The following GDA variants were observed in gnomAD, a reference collection of about 807,000 sequenced individuals.
The protein encoded by GDA is guanine deaminase, also known as cytoplasmic PSD-95 interactor.
In GDA, 18 loss-of-function variants were observed where a neutral mutation model predicts 59.6. The ratio of observed to expected loss-of-function variants is 0.30; its 90% CI spans 0.21 to 0.45. The LOEUF is 0.45. Ranked by LOEUF, GDA falls within the 20% of genes least tolerant of loss-of-function variation. The pLI is 1.00. For missense variants in GDA, 427 were observed against 552.3 expected (o/e 0.77, Z 2.27); for synonymous variants, 201 against 201.1 (o/e 1.00, Z 0.00).
rs1021208956 is a variant in GDA, at chr9:72,251,402, A to T, written c.*3060A>T. On this transcript the variant is annotated 3_prime_UTR_variant, in exon 14 of 14. Transcript: ENST00000358399. ...ATGGAGAGCTTTAAAGGCAAGCTGG[A>T]AGGCACATTGTATCAATTCTACCTT... The T allele has an allele frequency of 1.3e-5, 2 of 152,974 alleles. No individual in the cohort carries two copies. The highest frequency in any genetic ancestry group is 4.8e-5 in the African/African-American group (2 of 41,452). The allele number at this position is 152,974 out of a possible 1,614,324, so 9.5% of individuals were successfully genotyped here.
intron 1 of GDA, among the ~76,000 whole-genome samples, chr9:72,131,269 A>C (rs933681311): frequency 4.6e-5 from 7 of 152,220 alleles, no homozygotes; most frequent in Non-Finnish European, 1.0e-4. Context: ...TAGGTCTGCT[A>C]TGCCAAAAGC....
chr9:72,237,062 A>G (rs947612184), intron 10 of GDA, among the ~76,000 whole-genome samples: 2 of 152,080 alleles, frequency 1.3e-5, no homozygotes, highest in South Asian at 4.1e-4. Context: ...TTGCAGGCAT[A>G]AGCCACCACG....
chr9:72,166,880 A>G (rs922508869), intron 1 of GDA, among the ~76,000 whole-genome samples: 1 of 152,170 alleles, frequency 6.6e-6, no homozygotes, highest in Non-Finnish European at 1.5e-5. Flanking sequence ...AGATCAGTCC[A>G]TAATGCCAAT....
intron 10 of GDA, among the ~76,000 whole-genome samples, chr9:72,239,085 TG>T (rs1839328512): frequency 6.6e-6 from 1 of 152,178 alleles, no homozygotes; most frequent in African/African-American, 2.4e-5. Flanking sequence ...TTAAATGTGT[TG>T]TAGATGGAAG....
rs1826862877 is a variant in GDA at position 72,149,455 on chromosome 9, C to G, written c.-105C>G. On this transcript the variant is annotated 5_prime_UTR_variant, in exon 1 of 14. Coordinates refer to ENST00000358399, the MANE Select transcript of GDA (RefSeq NM_004293.5). ...AAGCGGGGGCAGGACAAGGCCGGAG[C>G]CTGTGTCCGCCCGGCAGCCGCCCGC... 1 of 1,376,446 alleles carries G rather than the reference C, an allele frequency of 7.3e-7. No homozygotes were observed. The highest frequency in any genetic ancestry group is 1.5e-5 in the African/African-American group (1 of 67,392). The allele number at this position is 1,376,446 out of a possible 1,614,324, so 85.3% of individuals were successfully genotyped here.
At chr9:72,181,577 G>A (rs1487735989) in intron 1 of GDA, among the ~76,000 whole-genome samples, 2 of 152,130 alleles carry the variant, frequency 1.3e-5, no homozygotes, top group Non-Finnish European at 2.9e-5. Context: ...CACCCGCCTT[G>A]GCCTCCCAAA....
chr9:72,145,181 C>T (rs956648850), upstream of GDA, among the ~76,000 whole-genome samples: 1 of 152,054 alleles, frequency 6.6e-6, no homozygotes, highest in Non-Finnish European at 1.5e-5. Flanking sequence ...CCCATTATTC[C>T]CTTTAGTTTT....
At chr9:72,190,245 GCCT>G (rs1165216259) in intron 1 of GDA, among the ~76,000 whole-genome samples, 3 of 152,114 alleles carry the variant, frequency 2.0e-5, no homozygotes, top group Admixed American at 6.5e-5. Flanking sequence ...TCCTGCCTCA[GCCT>G]CCCAAGTAGC....
chr9:72,135,221 C>CGTGT (rs58242514), intron 1 of GDA, among the ~76,000 whole-genome samples: 118 of 148,532 alleles, frequency 7.9e-4, no homozygotes, highest in African/African-American at 1.5e-3. Flanking sequence ...GGCCTACGTA[C>CGTGT]GTGTGTGTGT....
downstream of GDA, among the ~76,000 whole-genome samples, chr9:72,253,881 C>A (rs1840827388): frequency 6.6e-6 from 1 of 151,982 alleles, no homozygotes; most frequent in Non-Finnish European, 1.5e-5. Flanking sequence ...GTGCAGCACA[C>A]CAGCATGTCA....
chr9:72,225,455 A>T (rs1837434001), intron 7 of GDA, among the ~76,000 whole-genome samples: 1 of 152,154 alleles, frequency 6.6e-6, no homozygotes, highest in Non-Finnish European at 1.5e-5. Flanking sequence ...CCACACACAC[A>T]CACTACATGT....
At chr9:72,167,076 A>G (rs770020207) in intron 1 of GDA, among the ~76,000 whole-genome samples, 21 of 152,212 alleles carry the variant, frequency 1.4e-4, no homozygotes, top group Non-Finnish European at 2.9e-4. Flanking sequence ...GGATAAACAT[A>G]GAAATTGACG....
intron 4 of GDA, among the ~76,000 whole-genome samples, chr9:72,212,267 G>C (rs996114722): frequency 2.0e-5 from 3 of 152,160 alleles, no homozygotes; most frequent in African/African-American, 7.2e-5. Context: ...CGGATCATGA[G>C]GTCGGGAGAT....
At chr9:72,230,150 A>G (rs1319997898) in intron 9 of GDA, among the ~76,000 whole-genome samples, 1 of 152,166 alleles carries the variant, frequency 6.6e-6, no homozygotes, top group East Asian at 1.9e-4. Flanking sequence ...TGACCTTTGC[A>G]ACTTTTTAGA....
At position 72,149,521 on chromosome 9, in the gene GDA, T is replaced by A. The variant is rs763606942; in HGVS notation, c.-39T>A. The A allele has an allele frequency of 3.7e-6, 6 of 1,604,054 alleles. No homozygotes were observed. Among genetic ancestry groups the A allele is most frequent in the Non-Finnish European group, 5.1e-6 (6 of 1,177,506 alleles). ...CGCTGCGTCTCCGCCGCGTGCGCCC[T>A]CCTCGACCAGCAGACCCGCGCTGCG... On this transcript the variant is annotated 5_prime_UTR_variant, in exon 1 of 14. Coordinates refer to ENST00000358399, the MANE Select transcript of GDA (RefSeq NM_004293.5).
intron 1 of GDA, among the ~76,000 whole-genome samples, chr9:72,118,913 C>T (rs550124522): frequency 6.6e-6 from 1 of 152,088 alleles, no homozygotes; most frequent in South Asian, 2.1e-4. Flanking sequence ...TGTATTTGTC[C>T]CACTTGAGTA....
chr9:72,249,115 T>C lies in GDA; in HGVS notation c.*773T>C. 1.0e-6 allele frequency: 1 copy of C among 976,842 alleles called. No individual in the cohort carries two copies. The highest frequency in any genetic ancestry group is 1.2e-6 in the Non-Finnish European group (1 of 821,790). The allele number at this position is 976,842 out of a possible 1,614,324, so 60.5% of individuals were successfully genotyped here. A position where few individuals can be genotyped will look rare whatever the true frequency, so the allele number is the denominator to read the frequency against. On this transcript the variant is annotated 3_prime_UTR_variant, in exon 14 of 14. Transcript: ENST00000358399. ...TCCATGGCATAAATAGTTGTATTTT[T>C]GTGTACTTTAAAATCAACTTATAAC...
intron 1 of GDA, among the ~76,000 whole-genome samples, chr9:72,122,887 G>C (rs998089037): frequency 6.6e-6 from 1 of 152,128 alleles, no homozygotes; most frequent in African/African-American, 2.4e-5. Flanking sequence ...AGGTGGGAGT[G>C]GGGAGAAGAA....
upstream of GDA, among the ~76,000 whole-genome samples, chr9:72,146,955 A>G (rs759815318): frequency 6.6e-6 from 1 of 152,220 alleles, no homozygotes; most frequent in African/African-American, 2.4e-5. Flanking sequence ...CACTAATGCC[A>G]TGTCACCTGG....
Sources: allele counts gnomAD v4.1 joint callset (sites outside exome capture counted in the v4.1 genomes callset), GRCh38; gene constraint gnomAD v4.1.1; transcripts MANE v1.5; gene names NCBI Gene and HGNC (gene_info 2026-07-23, HGNC 2026-07-21).